NDUFS4: variants seen among roughly 807,000 people sequenced by gnomAD.
NDUFS4 encodes NADH dehydrogenase [ubiquinone] iron-sulfur protein 4, mitochondrial.
In NDUFS4, 28 loss-of-function variants were observed where a neutral mutation model predicts 24.3. The ratio of observed to expected loss-of-function variants is 1.15; its 90% confidence interval spans 0.85 to 1.58. The LOEUF (loss-of-function observed/expected upper bound fraction) is 1.58, where lower values mean the gene tolerates loss of function less well. NDUFS4 is among the 40% of genes most tolerant of loss of function. The pLI, the probability that NDUFS4 is intolerant of heterozygous loss-of-function variation, is 0.00. For missense variants in NDUFS4, 223 were observed against 207.9 expected (o/e 1.07, Z -0.45); for synonymous variants, 93 against 69.7 (o/e 1.34, Z -1.67).
intron 1 of NDUFS4, among the ~76,000 whole-genome samples, chr5:53,581,265 T>A (rs1201280184): frequency 1.3e-5 from 2 of 152,218 alleles, no homozygotes; most frequent in African/African-American, 4.8e-5. Context: ...AGTATTCATT[T>A]TCCTAACTCT....
At chr5:53,645,775 G>T (rs1480658652) in intron 2 of NDUFS4, among the ~76,000 whole-genome samples, 1 of 152,182 alleles carries the variant, frequency 6.6e-6, no homozygotes, top group African/African-American at 2.4e-5. Context: ...ATTTGACACA[G>T]AAATTATAAG....
At chr5:53,578,220 G>T (rs1218811975) in intron 1 of NDUFS4, among the ~76,000 whole-genome samples, 1 of 152,176 alleles carries the variant, frequency 6.6e-6, no homozygotes, top group Non-Finnish European at 1.5e-5. Flanking sequence ...TGTTGCTGAT[G>T]AAGTCCATGG....
At chr5:53,595,532 C>A (rs1273350427) in intron 1 of NDUFS4, among the ~76,000 whole-genome samples, 1 of 152,068 alleles carries the variant, frequency 6.6e-6, no homozygotes, top group Non-Finnish European at 1.5e-5. Flanking sequence ...ACCATGACAT[C>A]TTTATTTCTT....
rs186645214 is a variant in NDUFS4 at position 53,637,008 on chromosome 5, A to G, written c.178-9225A>G. Among the ~76,000 whole-genome samples the G allele has an allele frequency of 1.3e-4, 20 of 152,334 alleles. No individual in the cohort carries two copies. The East Asian group carries it at 3.7e-3, about 28-fold the overall frequency. On this transcript the variant is annotated intron_variant, in intron 2 of 4. Coordinates refer to ENST00000296684, the MANE Select transcript of NDUFS4 (RefSeq NM_002495.4). ...CAGTTTCAGGTATTACTTTACAGCA[A>G]TGTGAGAACAGGCTAATACACTTAA... is the stretch of plus-strand genomic sequence containing the variant.
At chr5:53,679,699 G>T (rs1165621011) in intron 4 of NDUFS4, among the ~76,000 whole-genome samples, 1 of 152,122 alleles carries the variant, frequency 6.6e-6, no homozygotes, top group African/African-American at 2.4e-5. Flanking sequence ...GTGTTTGTGT[G>T]TATATTACTA....
chr5:53,676,462 A>G (rs1281197353), intron 4 of NDUFS4, among the ~76,000 whole-genome samples: 1 of 152,160 alleles, frequency 6.6e-6, no homozygotes, highest in Non-Finnish European at 1.5e-5. Flanking sequence ...CAGTTAATTC[A>G]TCAACATTGA....
chr5:53,629,942 C>T (rs548073719), intron 2 of NDUFS4, among the ~76,000 whole-genome samples: 2 of 152,164 alleles, frequency 1.3e-5, no homozygotes, highest in South Asian at 4.2e-4. Flanking sequence ...GGTTATTTTG[C>T]CTGTTAGTTG....
At chr5:53,587,941 A>G (rs1749818537) in intron 1 of NDUFS4, among the ~76,000 whole-genome samples, 2 of 152,208 alleles carry the variant, frequency 1.3e-5, no homozygotes, top group South Asian at 2.1e-4. Flanking sequence ...AAAGAGTCAC[A>G]TGATTGGGTA....
chr5:53,624,961 T>C (rs945667541), intron 2 of NDUFS4, among the ~76,000 whole-genome samples: 4 of 152,132 alleles, frequency 2.6e-5, no homozygotes, highest in Non-Finnish European at 5.9e-5. Flanking sequence ...GTGTTTTGTT[T>C]GTTTGTTTGT....
intron 1 of NDUFS4, 138 bp from the exon 2 acceptor site, chr5:53,603,314 C>T: frequency 1.5e-6 from 1 of 661,056 alleles, no homozygotes; most frequent in East Asian, 2.9e-5. Context: ...ACTTTTGTGC[C>T]CTCTTCTCTT....
intron 1 of NDUFS4, among the ~76,000 whole-genome samples, chr5:53,600,087 C>T (rs1224442293): frequency 6.6e-6 from 1 of 151,894 alleles, no homozygotes; most frequent in African/African-American, 2.4e-5. Flanking sequence ...GCAGCCTCCA[C>T]CTCCCGGGTT....
At chr5:53,600,185 G>T (rs1750266435) in intron 1 of NDUFS4, among the ~76,000 whole-genome samples, 1 of 151,824 alleles carries the variant, frequency 6.6e-6, no homozygotes, top group Non-Finnish European at 1.5e-5. Context: ...TTTTAGTGGA[G>T]ACTGGGTTTC....
intron 1 of NDUFS4, among the ~76,000 whole-genome samples, chr5:53,566,029 CG>C (rs1452138951): frequency 6.6e-6 from 1 of 152,040 alleles, no homozygotes; most frequent in Non-Finnish European, 1.5e-5. Flanking sequence ...AATAATTAGC[CG>C]GGTGCGGTGG....
In NDUFS4 at chr5:53,658,623, T is replaced by C. The variant is rs1224289190; in HGVS notation, c.423T>C (p.Asn141=). The part of the protein sequence containing the change: ...KEDAVSFAEK[N]GWSYDIEERK... Reference sequence around the variant, plus strand: ...ATGCAGTTTCCTTTGCAGAAAAAAATGGTATGTTTGGTCTGTTTTTGACAA... The same window carrying C: ...ATGCAGTTTCCTTTGCAGAAAAAAACGGTATGTTTGGTCTGTTTTTGACAA... The change falls in exon 4 of 5, where the codon AAT becomes AAC. Residue 141 remains asparagine (N), a splice_region_variant and synonymous_variant. Coordinates refer to ENST00000296684, the MANE Select transcript of NDUFS4 (RefSeq NM_002495.4). 1 of 1,606,754 alleles carries C rather than the reference T, an allele frequency of 6.2e-7. No homozygotes were observed. The highest frequency in any genetic ancestry group is 8.5e-7 in the Non-Finnish European group (1 of 1,175,404).
intron 2 of NDUFS4, among the ~76,000 whole-genome samples, chr5:53,604,158 C>T (rs147445807): frequency 6.6e-6 from 1 of 152,278 alleles, no homozygotes; most frequent in East Asian, 1.9e-4. Flanking sequence ...ATTTATGCTT[C>T]AATAGCATAC....
chr5:53,665,235 C>T lies in NDUFS4; in HGVS notation c.424+6611C>T, dbSNP rs539541513. 1.2e-4 allele frequency among the ~76,000 whole-genome samples: 19 copies of T among 152,242 alleles called. 1 individual carries two copies. Among genetic ancestry groups the T allele is most frequent in the Non-Finnish European group, 2.4e-4 (16 of 68,016 alleles). ...TGGCCGTGTGAGGTGTCAGTCTGAC[C>T]CTACTGGGGGGTGCCTCCCAGTTAG... On this transcript the variant is annotated intron_variant, in intron 4 of 4. Coordinates refer to ENST00000296684, the MANE Select transcript of NDUFS4 (RefSeq NM_002495.4).
intron 1 of NDUFS4, among the ~76,000 whole-genome samples, chr5:53,586,492 ATTGTT>A (rs1021439779): frequency 6.8e-6 from 1 of 146,848 alleles, no homozygotes; most frequent in Non-Finnish European, 1.5e-5. Flanking sequence ...AGGAAAATGA[ATTGTT>A]TAGTTAGTTA....
intron 2 of NDUFS4, among the ~76,000 whole-genome samples, chr5:53,609,324 G>A (rs999229248): frequency 4.6e-5 from 7 of 152,302 alleles, no homozygotes; most frequent in African/African-American, 7.2e-5. Flanking sequence ...GCATGAAAGC[G>A]ACACCCTTGT....
rs140161308 is a variant in NDUFS4, at chr5:53,632,806, G to A, written c.178-13427G>A. On this transcript the variant is annotated intron_variant, in intron 2 of 4. Transcript: ENST00000296684. ...AGTTTTATAGTTTGTAAAGGCAAGAGTGGTAGTCTGATCCCATTATGGATT... is the reference window on the plus strand; with the variant it reads ...AGTTTTATAGTTTGTAAAGGCAAGAATGGTAGTCTGATCCCATTATGGATT... Among the ~76,000 whole-genome samples the A allele has an allele frequency of 4.1e-3, 624 of 152,280 alleles. 4 individuals are homozygous for A. The highest frequency in any genetic ancestry group is 5.6e-3 in the Non-Finnish European group (383 of 68,012).
Sources: allele counts gnomAD v4.1 joint callset (sites outside exome capture counted in the v4.1 genomes callset), GRCh38; gene constraint gnomAD v4.1.1; transcripts MANE v1.5; gene names NCBI Gene and HGNC (gene_info 2026-07-23, HGNC 2026-07-21).